HIVEP3: variants seen among roughly 807,000 people sequenced by gnomAD.
HIVEP3 encodes HIVEP zinc finger 3.
Under a neutral mutation model 152.8 loss-of-function variants are expected in HIVEP3, and 49 were observed. That is an observed-to-expected ratio of 0.32 (90% CI 0.26 to 0.41). The LOEUF (loss-of-function observed/expected upper bound fraction) is 0.41, where lower values mean the gene tolerates loss of function less well. Among genes scored for constraint, HIVEP3 ranks in the 10% least tolerant of loss-of-function variants. HIVEP3 has a pLI of 1.00. For missense variants in HIVEP3, 2,790 were observed against 3,103.3 expected (o/e 0.90, Z 2.40); for synonymous variants, 1,269 against 1,289.0 (o/e 0.98, Z 0.33).
intron 1 of HIVEP3, among the ~76,000 whole-genome samples, chr1:41,734,249 C>T (rs771328956): frequency 6.6e-6 from 1 of 152,206 alleles, no homozygotes; most frequent in Non-Finnish European, 1.5e-5. Flanking sequence ...GAGTTGCTGC[C>T]ACCTATTCTA....
At chr1:41,872,534 C>T (rs894002929) in intron 1 of HIVEP3, among the ~76,000 whole-genome samples, 85 of 152,084 alleles carry the variant, frequency 5.6e-4, no homozygotes, top group South Asian at 2.1e-4. Context: ...CACTCTTTCT[C>T]GGTTAATCCC....
Position 41,664,053 on chromosome 1 carries a change from C to T in HIVEP3, c.-720-35106G>A, listed in dbSNP as rs1245502700. Among the ~76,000 whole-genome samples, 4 of 152,208 alleles carry T rather than the reference C, an allele frequency of 2.6e-5. No homozygotes were observed. Among genetic ancestry groups the T allele is most frequent in the Non-Finnish European group, 4.4e-5 (3 of 68,034 alleles). On this transcript the variant is annotated intron_variant, in intron 2 of 8. Coordinates refer to ENST00000372583, the MANE Select transcript of HIVEP3 (RefSeq NM_024503.5). The surrounding 1 kb of genome is among the most constrained non-coding windows in gnomAD (Gnocchi z 4.4). ...ACACGCACCACTTTGCACCAGTTTC[C>T]ACTTCTTGAGGTCTTCATACAGGCT...
At chr1:41,846,042 C>T (rs567669866) in intron 1 of HIVEP3, among the ~76,000 whole-genome samples, 2 of 152,236 alleles carry the variant, frequency 1.3e-5, no homozygotes, top group Non-Finnish European at 2.9e-5. Context: ...CCAGCCTGGG[C>T]AACAGAGTGA....
At chr1:41,713,055 T>A (rs1570375571) in intron 1 of HIVEP3, among the ~76,000 whole-genome samples, 2 of 152,312 alleles carry the variant, frequency 1.3e-5, no homozygotes, top group South Asian at 4.1e-4. Flanking sequence ...AGAGCATTTG[T>A]CAAAACTGGA....
intron 1 of HIVEP3, among the ~76,000 whole-genome samples, chr1:41,875,945 C>T (rs1245727616): frequency 1.3e-5 from 2 of 152,274 alleles, no homozygotes; most frequent in African/African-American, 2.4e-5. Flanking sequence ...CACATGGGTA[C>T]GAACTAGGTC....
intron 1 of HIVEP3, among the ~76,000 whole-genome samples, chr1:42,025,440 AAC>A (rs1197148218): frequency 2.0e-5 from 3 of 152,222 alleles, no homozygotes; most frequent in African/African-American, 7.2e-5. Flanking sequence ...TATTTCTATG[AAC>A]ACAATAAGCA....
At chr1:41,889,635 C>T (rs530163250) in intron 1 of HIVEP3, among the ~76,000 whole-genome samples, 3 of 152,270 alleles carry the variant, frequency 2.0e-5, no homozygotes, top group Admixed American at 1.3e-4. Context: ...TATGAAAGCC[C>T]GGCAGGGTGG....
intron 2 of HIVEP3, among the ~76,000 whole-genome samples, chr1:41,686,632 G>A (rs1646120253): frequency 6.6e-6 from 1 of 152,160 alleles, no homozygotes; most frequent in South Asian, 2.1e-4. Flanking sequence ...CCATGCAAAA[G>A]CCCAGCCTCT....
In HIVEP3 at chr1:41,825,232, G is replaced by A. The variant is rs555422302; in HGVS notation, c.-801+93181C>T. ...AAGTTACAAAGTACATTCTCAAGGC[G>A]GGAGGATGTTACAAAGTACATTCAC... On this transcript the variant is annotated intron_variant, in intron 1 of 8. Transcript: ENST00000372583. 2.0e-5 allele frequency among the ~76,000 whole-genome samples: 3 copies of A among 152,226 alleles called. No homozygotes were observed. In the South Asian group the frequency reaches 6.2e-4, roughly 32 times the overall value.
At chr1:41,656,103 G>A (rs1645625216) in intron 2 of HIVEP3, among the ~76,000 whole-genome samples, 1 of 152,144 alleles carries the variant, frequency 6.6e-6, no homozygotes, top group Admixed American at 6.5e-5. Context: ...TCTCCCATGA[G>A]TGGCTCTGCC....
intron 1 of HIVEP3, among the ~76,000 whole-genome samples, chr1:42,008,145 T>C (rs1039863716): frequency 6.8e-6 from 1 of 147,260 alleles, no homozygotes; most frequent in Admixed American, 6.6e-5. Context: ...GAAAATATGA[T>C]GGAATGTACA....
intron 5 of HIVEP3, among the ~76,000 whole-genome samples, chr1:41,562,861 G>T (rs1644099981): frequency 6.6e-6 from 1 of 152,064 alleles, no homozygotes; most frequent in South Asian, 2.1e-4. Flanking sequence ...GGGAACCAAG[G>T]TAAGGACGAT....
chr1:41,526,047 C>T (rs780593062), intron 5 of HIVEP3, among the ~76,000 whole-genome samples: 5 of 152,016 alleles, frequency 3.3e-5, no homozygotes, highest in Non-Finnish European at 7.4e-5. Flanking sequence ...GGTTCCAGCA[C>T]AGAGGGGCAG....
At chr1:41,526,738 A>C (rs1569735973) in intron 5 of HIVEP3, among the ~76,000 whole-genome samples, 7 of 44,146 alleles carry the variant, frequency 1.6e-4, no homozygotes, top group African/African-American at 4.6e-4. Context: ...CACTCACCCT[A>C]AAACGTGCTC....
At chr1:41,823,851 G>T (rs1413167425) in intron 1 of HIVEP3, among the ~76,000 whole-genome samples, 5 of 152,166 alleles carry the variant, frequency 3.3e-5, no homozygotes, top group African/African-American at 4.8e-5. Flanking sequence ...TTCCAGGAGG[G>T]CACTAGGACT....
chr1:41,872,070 C>G (rs958076595), intron 1 of HIVEP3, among the ~76,000 whole-genome samples: 1 of 152,114 alleles, frequency 6.6e-6, no homozygotes, highest in African/African-American at 2.4e-5. Context: ...GATATAAAAA[C>G]TTCCATAATG....
chr1:41,521,525 C>A (rs1450609370), intron 6 of HIVEP3, among the ~76,000 whole-genome samples: 1 of 152,178 alleles, frequency 6.6e-6, no homozygotes, highest in Non-Finnish European at 1.5e-5. Context: ...CCAGGCCTGT[C>A]TCCTCCTCTG....
intron 1 of HIVEP3, among the ~76,000 whole-genome samples, chr1:41,720,136 C>G (rs1227406526): frequency 6.6e-6 from 1 of 152,154 alleles, no homozygotes; most frequent in African/African-American, 2.4e-5. Flanking sequence ...AACATCCTCC[C>G]CACCCTCCAT....
chr1:41,889,854 C>T (rs188971065), intron 1 of HIVEP3, among the ~76,000 whole-genome samples: 40 of 152,358 alleles, frequency 2.6e-4, no homozygotes, highest in Non-Finnish European at 4.6e-4. Context: ...ATCTAATCCT[C>T]ACAAGAACCC....
Sources: allele counts gnomAD v4.1 joint callset (sites outside exome capture counted in the v4.1 genomes callset), GRCh38; gene constraint gnomAD v4.1.1; non-coding constraint Gnocchi (gnomAD v3.1); transcripts MANE v1.5; gene names NCBI Gene and HGNC (gene_info 2026-07-23, HGNC 2026-07-21).